The following MTSS1 variants were observed in gnomAD, a reference collection of about 807,000 sequenced individuals.
The protein encoded by MTSS1 is protein MTSS 1.
Under a neutral mutation model 79.0 loss-of-function variants are expected in MTSS1, and 18 were observed. That is an observed-to-expected ratio of 0.23 (90% CI 0.16 to 0.34). The LOEUF (loss-of-function observed/expected upper bound fraction) is 0.34, where lower values mean the gene tolerates loss of function less well. Ranked by LOEUF, MTSS1 falls within the 10% of genes least tolerant of loss-of-function variation. The probability of loss-of-function intolerance (pLI) is 1.00; values close to 1 mark genes in which losing one functional copy is unlikely to be tolerated. For missense variants in MTSS1, 815 were observed against 986.2 expected (o/e 0.83, Z 2.33); for synonymous variants, 341 against 368.6 (o/e 0.93, Z 0.86).
chr8:124,573,723 C>T (rs984789401), intron 6 of MTSS1, among the ~76,000 whole-genome samples: 1 of 152,224 alleles, frequency 6.6e-6, no homozygotes, highest in Admixed American at 6.5e-5. Flanking sequence ...CTTCGATGGG[C>T]TTCCCAGACA....
At chr8:124,586,994 C>T (rs945959546) in intron 5 of MTSS1, among the ~76,000 whole-genome samples, 1 of 152,200 alleles carries the variant, frequency 6.6e-6, no homozygotes, top group African/African-American at 2.4e-5. Context: ...CCTTACACAT[C>T]CTATTTGAAG....
intron 6 of MTSS1, among the ~76,000 whole-genome samples, chr8:124,578,478 C>T (rs1829415025): frequency 6.6e-6 from 1 of 152,078 alleles, no homozygotes; most frequent in Admixed American, 6.5e-5. Flanking sequence ...TCTCTGCCCC[C>T]AGGTTACACC....
At chr8:124,719,000 C>T (rs756493008) in intron 1 of MTSS1, among the ~76,000 whole-genome samples, 3 of 152,110 alleles carry the variant, frequency 2.0e-5, no homozygotes, top group Non-Finnish European at 2.9e-5. Flanking sequence ...CTGTCTCATC[C>T]TGAGTCCTAA....
At chr8:124,589,006 C>T (rs1205050090) in intron 5 of MTSS1, among the ~76,000 whole-genome samples, 3 of 151,768 alleles carry the variant, frequency 2.0e-5, no homozygotes, top group Non-Finnish European at 2.9e-5. Flanking sequence ...TGAGCCACTG[C>T]ACCCGGCCTA....
rs764808538 is a variant in MTSS1, at chr8:124,557,782, G to A, written c.1129C>T (p.Arg377Cys). 12 of 1,606,622 alleles carry A rather than the reference G, an allele frequency of 7.5e-6. 1 individual carries two copies. The South Asian group carries it at 1.2e-4, about 16-fold the overall frequency. Residue 377 changes from arginine (R) to cysteine (C), a missense_variant, in exon 11 of 14, where the codon CGC (arginine) becomes TGC (cysteine). Physicochemically the swap from Arg to Cys is radical, Grantham distance 180. This residue lies in a region of MTSS1 where 590 missense variants were observed against 620.8 expected (regional missense o/e 0.95). Coordinates refer to ENST00000518547, the MANE Select transcript of MTSS1 (RefSeq NM_014751.6). The part of the protein sequence containing the change: ...GLFPHCLPAS[R>C]LLPRVTSVHL... The stretch of plus-strand genomic sequence containing the variant: ...ACAGAGGTGACCCGAGGGAGCAGGC[G>A]GGAGGCAGGCAGGCAATGAGGGAAA...
intron 3 of MTSS1, among the ~76,000 whole-genome samples, chr8:124,647,563 G>A (rs980245396): frequency 6.6e-6 from 1 of 151,816 alleles, no homozygotes; most frequent in African/African-American, 2.4e-5. Context: ...TGTACTTTTA[G>A]CTAACAACAG....
chr8:124,687,831 A>T (rs1359055091), intron 3 of MTSS1, among the ~76,000 whole-genome samples: 1 of 152,248 alleles, frequency 6.6e-6, no homozygotes, highest in Non-Finnish European at 1.5e-5. Flanking sequence ...AATCAGATTA[A>T]AAGGGCGCGT....
At chr8:124,712,616 T>A (rs1437301943) in intron 1 of MTSS1, among the ~76,000 whole-genome samples, 1 of 152,176 alleles carries the variant, frequency 6.6e-6, no homozygotes, top group African/African-American at 2.4e-5. Flanking sequence ...GGTAAGCCCA[T>A]CCATCATAAA....
At chr8:124,600,051 A>C (rs759849530) in intron 3 of MTSS1, among the ~76,000 whole-genome samples, 7 of 78,092 alleles carry the variant, frequency 9.0e-5, no homozygotes, top group Non-Finnish European at 1.6e-4. Context: ...AAAAAAAAAA[A>C]AAACAAAAAA....
At position 124,591,125 on chromosome 8, in the gene MTSS1, G is replaced by A. The variant is rs373471014; in HGVS notation, c.293+26C>T. Reference sequence around the variant, plus strand: ...ACCTGAAATCTGCAAGGGTGTTGGCGATCGGGGCCAAAACATGCTCCTCAC... The same window carrying A: ...ACCTGAAATCTGCAAGGGTGTTGGCAATCGGGGCCAAAACATGCTCCTCAC... On this transcript the variant is annotated intron_variant, in intron 4 of 13. Transcript: ENST00000518547. 9.4e-6 allele frequency: 15 copies of A among 1,601,600 alleles called. No homozygotes were observed. In the East Asian group the frequency reaches 1.8e-4, roughly 19 times the overall value.
chr8:124,715,993 A>G (rs547949272), intron 1 of MTSS1, among the ~76,000 whole-genome samples: 3 of 152,230 alleles, frequency 2.0e-5, no homozygotes, highest in East Asian at 3.9e-4. Flanking sequence ...GTAGAATTCA[A>G]CTCTGCTTTG....
chr8:124,606,581 A>G (rs1834924819), intron 3 of MTSS1, among the ~76,000 whole-genome samples: 1 of 151,742 alleles, frequency 6.6e-6, no homozygotes, highest in Admixed American at 6.6e-5. Flanking sequence ...ACTTTCAACC[A>G]CTCCATTCTT....
chr8:124,716,437 G>A (rs1015854968), intron 1 of MTSS1, among the ~76,000 whole-genome samples: 1 of 152,176 alleles, frequency 6.6e-6, no homozygotes, highest in Non-Finnish European at 1.5e-5. Flanking sequence ...ATGTGCGGGA[G>A]ATAGCTCCCT....
chr8:124,652,087 T>C (rs1470089047), intron 3 of MTSS1, among the ~76,000 whole-genome samples: 1 of 152,190 alleles, frequency 6.6e-6, no homozygotes, highest in Non-Finnish European at 1.5e-5. Context: ...CTCCTAATCC[T>C]CCCTGTTTAG....
At position 124,582,152 on chromosome 8, in the gene MTSS1, A is replaced by G. The variant is rs367859603; in HGVS notation, c.460+2935T>C. Among the ~76,000 whole-genome samples the G allele has an allele frequency of 1.3e-5, 2 of 152,148 alleles. No individual in the cohort carries two copies. Among genetic ancestry groups the G allele is most frequent in the East Asian group, 3.9e-4 (2 of 5,192 alleles). ...AACTCCTTGCCTCGTGTTTACTTCT[A>G]GTAGGCATCTGACAAGCTTGCCTTC... On this transcript the variant is annotated intron_variant, in intron 6 of 13. Coordinates refer to ENST00000518547, the MANE Select transcript of MTSS1 (RefSeq NM_014751.6). This position sits in a 1 kb window ranked among gnomAD's most constrained non-coding sequence, Gnocchi z 4.8.
chr8:124,702,059 T>G (rs1467478521), intron 2 of MTSS1, among the ~76,000 whole-genome samples: 1 of 152,230 alleles, frequency 6.6e-6, no homozygotes, highest in Non-Finnish European at 1.5e-5. Flanking sequence ...TTACTTTAAA[T>G]TTTACTTTAT....
chr8:124,720,243 A>G (rs6470261), intron 1 of MTSS1, among the ~76,000 whole-genome samples: 104,736 of 152,078 alleles, frequency 0.69, 36,485 homozygotes, highest in Admixed American at 0.78. Flanking sequence ...GTTAGGGAGC[A>G]CTGGACACAT....
intron 10 of MTSS1, chr8:124,558,840 A>G (rs760461244): frequency 6.4e-7 from 1 of 1,551,972 alleles, no homozygotes; most frequent in South Asian, 1.2e-5. Context: ...GTTCTGCAGC[A>G]GGGGAGGGGC....
chr8:124,649,911 T>A (rs897255609), intron 3 of MTSS1, among the ~76,000 whole-genome samples: 2 of 151,978 alleles, frequency 1.3e-5, no homozygotes, highest in Non-Finnish European at 2.9e-5. Flanking sequence ...AAGAGCATTG[T>A]CACCCAGGGT....
Sources: gnomAD v4.1 joint callset for allele counts (sites outside exome capture counted in the v4.1 genomes callset) on GRCh38, gnomAD v4.1.1 for gene constraint, gnomAD v4.1.1 regional missense constraint, Gnocchi (gnomAD v3.1) non-coding constraint, MANE v1.5 for transcripts, NCBI Gene and HGNC (gene_info 2026-07-23, HGNC 2026-07-21) for gene names.